Variants in AP5Z1 observed in about 807,000 individuals in gnomAD.
The protein encoded by AP5Z1 is adaptor related protein complex 5 subunit zeta 1.
A neutral mutation model predicts 83.0 loss-of-function variants in AP5Z1; 106 were observed. The observed-to-expected ratio is 1.28, with a 90% confidence interval of 1.09 to 1.50. The LOEUF (loss-of-function observed/expected upper bound fraction) is 1.50. Among genes scored for constraint, AP5Z1 ranks in the 40% most tolerant of loss-of-function variants. AP5Z1 has a pLI of 0.00. For missense variants in AP5Z1, 1,565 were observed against 1,094.2 expected (o/e 1.43, Z -6.07); for synonymous variants, 751 against 514.1 (o/e 1.46, Z -6.23).
chr7:4,789,173 C>T (rs1001534012), intron 13 of AP5Z1: 3 of 496,240 alleles, frequency 6.0e-6, no homozygotes, highest in Non-Finnish European at 1.1e-5. Flanking sequence ...TCCCCAGTCC[C>T]CGTCCCATCC....
At chr7:4,788,579 C>G (rs976824271) in intron 12 of AP5Z1, 1 of 500,414 alleles carries the variant, frequency 2.0e-6, no homozygotes, top group Non-Finnish European at 3.5e-6. Flanking sequence ...CGAGCCTGAG[C>G]CCAGGAAGCA....
chr7:4,785,919 T>C (rs1781529490), intron 9 of AP5Z1, among the ~76,000 whole-genome samples: 3 of 152,128 alleles, frequency 2.0e-5, no homozygotes, highest in Non-Finnish European at 2.9e-5. Context: ...TATTTCTTTT[T>C]GATGGATTGC....
chr7:4,783,083 C>G (rs1173510672), intron 3 of AP5Z1, among the ~76,000 whole-genome samples: 1 of 152,224 alleles, frequency 6.6e-6, no homozygotes, highest in Admixed American at 6.5e-5. Flanking sequence ...CAGCCGTGCC[C>G]TCACCCAGGC....
Position 4,775,706 on chromosome 7 carries a change from C to A in AP5Z1, c.-10C>A. 6.2e-7 allele frequency: 1 copy of A among 1,606,884 alleles called. No homozygotes were observed. Among genetic ancestry groups the A allele is most frequent in the African/African-American group, 1.3e-5 (1 of 75,048 alleles). On this transcript the variant is annotated 5_prime_UTR_variant, in exon 1 of 17. Coordinates refer to ENST00000649063, the MANE Select transcript of AP5Z1 (RefSeq NM_014855.3). Reference sequence around the variant, plus strand: ...TCCGAGGTTCGTGCGCGTCTGGTGGCGGCGGCGTGATGTTCTCGGCAGGAG... The same window carrying A: ...TCCGAGGTTCGTGCGCGTCTGGTGGAGGCGGCGTGATGTTCTCGGCAGGAG...
In AP5Z1 at chr7:4,784,939, G is replaced by A. The variant is rs957274881; in HGVS notation, c.822G>A (p.Leu274=). The A allele has an allele frequency of 1.2e-6, 2 of 1,612,038 alleles. No homozygotes were observed. The highest frequency in any genetic ancestry group is 1.7e-6 in the Non-Finnish European group (2 of 1,179,466). Reference sequence around the variant, plus strand: ...GGTCAGAGCAGGAGGGCTCCACTCTGTCGGTGATCTCCGCCACCTCCTCTG... The same window carrying A: ...GGTCAGAGCAGGAGGGCTCCACTCTATCGGTGATCTCCGCCACCTCCTCTG... ...DDRSEQEGST[L]SVISATSSAG... The change falls in exon 7 of 17, where the codon CTG becomes CTA. Residue 274 remains leucine (L), a synonymous_variant. Coordinates refer to ENST00000649063, the MANE Select transcript of AP5Z1 (RefSeq NM_014855.3).
At chr7:4,779,413 GATAACATATATATCATAT>G (rs1389858449) in intron 1 of AP5Z1, among the ~76,000 whole-genome samples, 59 of 137,326 alleles carry the variant, frequency 4.3e-4, no homozygotes, top group African/African-American at 1.7e-3. Context: ...TATATAACAT[GATAACATATATATCATAT>G]ATAACATATA....
At chr7:4,785,759 CCTT>C (rs1781524283) in intron 9 of AP5Z1, 75 bp downstream of exon 9, 19 of 1,318,748 alleles carry the variant, frequency 1.4e-5, no homozygotes, top group Middle Eastern at 2.7e-4. Flanking sequence ...TTTCTTCTTC[CCTT>C]TTTTTTTTTT....
intron 1 of AP5Z1, 101 bp downstream of exon 1, chr7:4,775,857 G>A (rs1781210430): frequency 6.7e-7 from 1 of 1,491,416 alleles, no homozygotes; most frequent in South Asian, 1.2e-5. Context: ...CAGCCTTGCA[G>A]GAACCCGACT....
At chr7:4,776,405 C>G (rs958961321) in intron 1 of AP5Z1, among the ~76,000 whole-genome samples, 2 of 151,984 alleles carry the variant, frequency 1.3e-5, no homozygotes, top group African/African-American at 4.8e-5. Context: ...GCAAAGACTT[C>G]ATACTACATG....
chr7:4,781,886 GCA>G, intron 3 of AP5Z1, 132 bp downstream of exon 3: 1 of 1,107,752 alleles, frequency 9.0e-7, no homozygotes, highest in Admixed American at 3.1e-5. Context: ...TGAGTGCCTG[GCA>G]CACTTGAGGC....
Position 4,783,301 on chromosome 7 carries a change from C to T in AP5Z1, c.367-15C>T. 6.3e-7 allele frequency: 1 copy of T among 1,594,368 alleles called. No homozygotes were observed. Reference sequence around the variant, plus strand: ...ACAGGCCAGTACCCCAGCGTTTGCCCTGTTTGATTTGAAGGGTGACAGAAA... The same window carrying T: ...ACAGGCCAGTACCCCAGCGTTTGCCTTGTTTGATTTGAAGGGTGACAGAAA... On this transcript the variant is annotated splice_polypyrimidine_tract_variant and intron_variant, in intron 3 of 16. Transcript: ENST00000649063.
rs1359146130 is a variant in AP5Z1, at chr7:4,792,756, G to A, written c.*1371G>A. 6.6e-6 allele frequency: 1 copy of A among 152,268 alleles called. No homozygotes were observed. The highest frequency in any genetic ancestry group is 1.5e-5 in the Non-Finnish European group (1 of 68,062). The allele number at this position is 152,268 out of a possible 1,614,324, so 9.4% of individuals were successfully genotyped here. A position where few individuals can be genotyped will look rare whatever the true frequency, so the allele number is the denominator to read the frequency against. The stretch of plus-strand genomic sequence containing the variant: ...CAGCACTGTGTTTGTGTTTCCACGT[G>A]GAAACAGCAGCGCACGTGTACAACT... On this transcript the variant is annotated 3_prime_UTR_variant, in exon 17 of 17. Transcript: ENST00000649063.
chr7:4,777,381 A>G (rs1781256491), intron 1 of AP5Z1, among the ~76,000 whole-genome samples: 1 of 149,222 alleles, frequency 6.7e-6, no homozygotes, highest in African/African-American at 2.4e-5. Flanking sequence ...TTATTTATTT[A>G]TTTATTTTTA....
In AP5Z1 at chr7:4,788,897, G is replaced by A. The variant is rs1781649753; in HGVS notation, c.1653G>A (p.Gln551=). Reference sequence around the variant, plus strand: ...TGGCCGGCTGTGCCCGCGTGGCCCAGTGTGCCCAGGCCGTGCCCACGCTGC... The same window carrying A: ...TGGCCGGCTGTGCCCGCGTGGCCCAATGTGCCCAGGCCGTGCCCACGCTGC... ...QPMAGCARVA[Q]CAQAVPTLLQ... is the part of the protein sequence containing the mutation. The change falls in exon 13 of 17, where the codon CAG becomes CAA. Residue 551 remains glutamine, a synonymous_variant. Coordinates refer to ENST00000649063, the MANE Select transcript of AP5Z1 (RefSeq NM_014855.3). 1 of 1,611,094 alleles carries A rather than the reference G, an allele frequency of 6.2e-7. No homozygotes were observed. The highest frequency in any genetic ancestry group is 8.5e-7 in the Non-Finnish European group (1 of 1,179,426).
chr7:4,779,159 CTA>C (rs1475428493), intron 1 of AP5Z1, among the ~76,000 whole-genome samples: 10 of 140,912 alleles, frequency 7.1e-5, no homozygotes, highest in African/African-American at 2.3e-4. Flanking sequence ...TATATAACAA[CTA>C]TATAACATAT....
intron 9 of AP5Z1, 73 bp downstream of exon 9, chr7:4,785,757 T>TC (rs1172132169): frequency 3.3e-5 from 43 of 1,315,700 alleles, no homozygotes; most frequent in South Asian, 7.1e-5. Context: ...AATTTCTTCT[T>TC]CCCTTTTTTT....
chr7:4,790,005 C>G, intron 14 of AP5Z1, 76 bp downstream of exon 14: 12 of 1,058,556 alleles, frequency 1.1e-5, no homozygotes, highest in Non-Finnish European at 1.4e-5. Context: ...CCTCCCCCCT[C>G]CCCTTCAGTG....
rs1781762464 is a variant in AP5Z1, at chr7:4,791,260, G to A, written c.2299G>A (p.Val767Met). The A allele has an allele frequency of 1.9e-6, 3 of 1,612,650 alleles. No individual in the cohort carries two copies. The South Asian group carries it at 3.3e-5, about 18-fold the overall frequency. The change falls in exon 17 of 17, where the codon GTG becomes ATG. Residue 767 changes from valine (V) to methionine (M), a missense_variant. Physicochemically the swap from Val to Met is conservative, Grantham distance 21. Transcript: ENST00000649063. ...GAAGATGCCTAGCGTGGCCCAGTTT[G>A]TGCTCACACCCAGCACGGAGGTGTG... ...LLKMPSVAQF[V>M]LTPSTEVCSP...
chr7:4,789,556 A>C (rs868397358), intron 13 of AP5Z1, among the ~76,000 whole-genome samples: 2 of 152,188 alleles, frequency 1.3e-5, no homozygotes, highest in South Asian at 4.1e-4. Flanking sequence ...TTGGCCAAAC[A>C]AGACGTGTGC....
Sources: allele counts gnomAD v4.1 joint callset (sites outside exome capture counted in the v4.1 genomes callset), GRCh38; gene constraint gnomAD v4.1.1; transcripts MANE v1.5; gene names NCBI Gene and HGNC (gene_info 2026-07-23, HGNC 2026-07-21).